ITFG1: variants seen among roughly 807,000 people sequenced by gnomAD.
ITFG1 encodes the protein integrin alpha FG-GAP repeat containing 1.
Under a neutral mutation model 81.8 loss-of-function variants are expected in ITFG1, and 34 were observed. The observed-to-expected ratio is 0.42, with a 90% CI of 0.32 to 0.55. ITFG1 has a LOEUF of 0.55. ITFG1 is among the 20% of genes least tolerant of loss of function. The pLI, the probability that ITFG1 is intolerant of heterozygous loss-of-function variation, is 0.17. For missense variants in ITFG1, 672 were observed against 755.4 expected (o/e 0.89, Z 1.29); for synonymous variants, 285 against 270.6 (o/e 1.05, Z -0.52).
chr16:47,395,085 T>G (rs941391564), intron 6 of ITFG1, among the ~76,000 whole-genome samples: 5 of 152,174 alleles, frequency 3.3e-5, no homozygotes, highest in Admixed American at 1.3e-4. Context: ...TTATTGAAGT[T>G]GCATGCTAAT....
intron 6 of ITFG1, among the ~76,000 whole-genome samples, chr16:47,403,928 C>A (rs749595945): frequency 1.3e-5 from 2 of 151,642 alleles, no homozygotes; most frequent in Non-Finnish European, 2.9e-5. Flanking sequence ...TCAGAAGGGA[C>A]CATCTAGTTG....
chr16:47,277,895 A>G (rs943080708), intron 10 of ITFG1, among the ~76,000 whole-genome samples: 3 of 152,320 alleles, frequency 2.0e-5, no homozygotes, highest in Admixed American at 6.5e-5. Flanking sequence ...TATATTTGGG[A>G]GAGACAAGCT....
intron 6 of ITFG1, among the ~76,000 whole-genome samples, chr16:47,409,404 ATTTTTTTTTTTTTTT>A (rs1187071917): frequency 1.6e-4 from 1 of 6,102 alleles, no homozygotes; most frequent in Non-Finnish European, 2.9e-4. Context: ...ATATATATAT[ATTTTTTTTTTTTTTT>A]TTTTTTTTTT....
chr16:47,385,365 T>C (rs558491962), intron 6 of ITFG1, among the ~76,000 whole-genome samples: 1 of 152,336 alleles, frequency 6.6e-6, no homozygotes, highest in East Asian at 1.9e-4. Context: ...ATTGCTCTTA[T>C]ATGCATTCCA....
At chr16:47,324,766 T>G (rs1967506002) in intron 8 of ITFG1, among the ~76,000 whole-genome samples, 1 of 152,150 alleles carries the variant, frequency 6.6e-6, no homozygotes, top group Non-Finnish European at 1.5e-5. Context: ...AAGGGATCAA[T>G]TCAACAAGAA....
In ITFG1 at chr16:47,331,087, G is replaced by A. The variant is rs942666924; in HGVS notation, c.803-17264C>T. ...GGAAACAATCTAGGTGCCCATCAACGGTGGACTGGATAAAGAAAATGTGGT... is the reference window on the plus strand; with the variant it reads ...GGAAACAATCTAGGTGCCCATCAACAGTGGACTGGATAAAGAAAATGTGGT... On this transcript the variant is annotated intron_variant, in intron 8 of 17. Transcript: ENST00000320640. Among the ~76,000 whole-genome samples, 6 of 152,054 alleles carry A rather than the reference G, an allele frequency of 3.9e-5. No individual in the cohort carries two copies. In the East Asian group the frequency reaches 9.6e-4, roughly 24 times the overall value.
intron 10 of ITFG1, among the ~76,000 whole-genome samples, chr16:47,290,424 T>C (rs1052115809): frequency 3.3e-5 from 5 of 152,178 alleles, no homozygotes; most frequent in African/African-American, 1.2e-4. Flanking sequence ...TCTCCATCTA[T>C]TATTGTATTG....
chr16:47,390,956 T>C (rs1968522803), intron 6 of ITFG1, among the ~76,000 whole-genome samples: 1 of 152,140 alleles, frequency 6.6e-6, no homozygotes, highest in African/African-American at 2.4e-5. Context: ...CAATTTTATA[T>C]AATTTTTATA....
intron 6 of ITFG1, among the ~76,000 whole-genome samples, chr16:47,378,419 G>A (rs1431668238): frequency 6.6e-6 from 1 of 152,114 alleles, no homozygotes; most frequent in Non-Finnish European, 1.5e-5. Context: ...TAGAGGGAGT[G>A]GTGTAACTAC....
At chr16:47,264,112 C>A (rs542554975) in intron 10 of ITFG1, among the ~76,000 whole-genome samples, 70 of 152,206 alleles carry the variant, frequency 4.6e-4, no homozygotes, top group African/African-American at 1.6e-3. Flanking sequence ...CAAAAGCAAT[C>A]ATAACATTCA....
intron 14 of ITFG1, among the ~76,000 whole-genome samples, chr16:47,203,256 C>G (rs1965449859): frequency 1.3e-5 from 2 of 152,138 alleles, no homozygotes. Flanking sequence ...AAGACAAATA[C>G]CGTGTGATTC....
chr16:47,241,235 G>A (rs1965930081), intron 12 of ITFG1, among the ~76,000 whole-genome samples: 1 of 152,134 alleles, frequency 6.6e-6, no homozygotes, highest in Non-Finnish European at 1.5e-5. Flanking sequence ...AAAACAATCT[G>A]GCAATTCCTT....
At position 47,181,589 on chromosome 16, in the gene ITFG1, G is replaced by A. The variant is rs1455336878; in HGVS notation, c.1454-18925C>T. Among the ~76,000 whole-genome samples the A allele has an allele frequency of 8.8e-5, 13 of 147,694 alleles. No individual in the cohort carries two copies. In the South Asian group the frequency reaches 1.1e-3, roughly 12 times the overall value. On this transcript the variant is annotated intron_variant, in intron 14 of 17. Transcript: ENST00000320640. ...GCCCCCCCGCCCGGCCAGCCGCCCCGTCCAGGAGGGAGGTGAGGGGCGCCT... is the reference window on the plus strand; with the variant it reads ...GCCCCCCCGCCCGGCCAGCCGCCCCATCCAGGAGGGAGGTGAGGGGCGCCT...
chr16:47,373,410 T>C (rs990552494), intron 7 of ITFG1, among the ~76,000 whole-genome samples: 4 of 152,064 alleles, frequency 2.6e-5, no homozygotes, highest in African/African-American at 9.7e-5. Context: ...AGCCTCCGAA[T>C]AGCTGGGACT....
chr16:47,167,366 G>A (rs1026205489), intron 14 of ITFG1, among the ~76,000 whole-genome samples: 1 of 152,116 alleles, frequency 6.6e-6, no homozygotes, highest in African/African-American at 2.4e-5. Context: ...AATATGCCCT[G>A]CCCTGCCTTA....
chr16:47,253,106 C>G (rs1443283982), intron 12 of ITFG1, among the ~76,000 whole-genome samples: 1 of 152,078 alleles, frequency 6.6e-6, no homozygotes, highest in African/African-American at 2.4e-5. Context: ...GAATCCTCTC[C>G]TCAGGATAAT....
At chr16:47,320,955 T>C (rs1967439307) in intron 8 of ITFG1, among the ~76,000 whole-genome samples, 1 of 152,168 alleles carries the variant, frequency 6.6e-6, no homozygotes, top group Non-Finnish European at 1.5e-5. Context: ...TGTTGCTCCA[T>C]AGATGGTGAA....
chr16:47,394,269 A>T (rs761259799), intron 6 of ITFG1, among the ~76,000 whole-genome samples: 1 of 152,192 alleles, frequency 6.6e-6, no homozygotes, highest in Non-Finnish European at 1.5e-5. Flanking sequence ...GTGTGTGTGT[A>T]CATGTAGCAT....
chr16:47,386,020 G>A (rs1412645981), intron 6 of ITFG1, among the ~76,000 whole-genome samples: 3 of 152,052 alleles, frequency 2.0e-5, no homozygotes, highest in African/African-American at 7.2e-5. Context: ...CAAAATTCAA[G>A]GCCATTGACT....
Sources: gnomAD v4.1 joint callset for allele counts (sites outside exome capture counted in the v4.1 genomes callset) on GRCh38, gnomAD v4.1.1 for gene constraint, MANE v1.5 for transcripts, NCBI Gene and HGNC (gene_info 2026-07-23, HGNC 2026-07-21) for gene names.